Variants in GREB1L observed in about 807,000 individuals in gnomAD.
The protein encoded by GREB1L is GREB1-like protein.
A neutral mutation model predicts 200.8 loss-of-function variants in GREB1L; 17 were observed. The ratio of observed to expected loss-of-function variants is 0.08; its 90% CI spans 0.06 to 0.13. The LOEUF is 0.13. Among genes scored for constraint, GREB1L ranks in the 10% least tolerant of loss-of-function variants. The pLI is 1.00. For synonymous variants in GREB1L, 789 were observed against 893.0 expected, an observed-to-expected ratio of 0.88 and a Z score of 2.08; for missense variants, 1,657 against 2,367.7, an observed-to-expected ratio of 0.70 and a Z score of 6.23.
chr18:21,374,766 T>G (rs191632648), intron 2 of GREB1L, among the ~76,000 whole-genome samples: 38 of 152,204 alleles, frequency 2.5e-4, no homozygotes, highest in East Asian at 1.9e-3. Context: ...TAGTTGGTAT[T>G]AAAAGAAACT....
intron 2 of GREB1L, among the ~76,000 whole-genome samples, chr18:21,382,061 T>C (rs2040337996): frequency 6.6e-6 from 1 of 152,172 alleles, no homozygotes. Flanking sequence ...TCAGATAGTT[T>C]TGGCTGAGTG....
intron 7 of GREB1L, among the ~76,000 whole-genome samples, chr18:21,408,934 A>T (rs1352669406): frequency 6.6e-6 from 1 of 152,302 alleles, no homozygotes; most frequent in East Asian, 1.9e-4. Flanking sequence ...CATTGGTAAA[A>T]TGTGGCAGCC....
At chr18:21,426,515 G>GT (rs2032589534) in intron 7 of GREB1L, among the ~76,000 whole-genome samples, 1 of 152,138 alleles carries the variant, frequency 6.6e-6, no homozygotes, top group Non-Finnish European at 1.5e-5. Flanking sequence ...CCCATAAAAT[G>GT]TAAGAGTTTA....
intron 1 of GREB1L, among the ~76,000 whole-genome samples, chr18:21,307,666 C>CG (rs1567930601): frequency 6.6e-6 from 1 of 152,054 alleles, no homozygotes; most frequent in East Asian, 1.9e-4. Flanking sequence ...TCTCCCTACC[C>CG]GGGAGGCTGT....
rs986278726 is a variant in GREB1L at position 21,523,693 on chromosome 18, TAA to T, written c.*874_*875del. 9 of 152,252 alleles carry T rather than the reference TAA, an allele frequency of 5.9e-5. No homozygotes were observed. Among genetic ancestry groups the T allele is most frequent in the African/African-American group, 2.2e-4 (9 of 41,468 alleles). The allele number at this position is 152,252 out of a possible 1,614,324, so 9.4% of individuals were successfully genotyped here. On this transcript the variant is annotated 3_prime_UTR_variant, in exon 33 of 33. Transcript: ENST00000424526. Reference sequence around the variant, plus strand: ...ATTAAGCAGTTGGCACCAGCAAACCTAAATGTCAGGCTGAGGTTCTGTTGCAG... The same window carrying T: ...ATTAAGCAGTTGGCACCAGCAAACCTATGTCAGGCTGAGGTTCTGTTGCAG...
intron 17 of GREB1L, among the ~76,000 whole-genome samples, chr18:21,484,779 C>T (rs1483774896): frequency 6.6e-6 from 1 of 152,082 alleles, no homozygotes; most frequent in Non-Finnish European, 1.5e-5. Flanking sequence ...GCCAAGATCG[C>T]ACCATTGCAC....
chr18:21,402,916 TTATA>T (rs1378821670), intron 6 of GREB1L, among the ~76,000 whole-genome samples: 1 of 151,064 alleles, frequency 6.6e-6, no homozygotes, highest in Non-Finnish European at 1.5e-5. Context: ...TTTATATAAT[TTATA>T]TATATACACA....
chr18:21,282,233 C>G (rs2038282083), intron 1 of GREB1L, among the ~76,000 whole-genome samples: 1 of 152,096 alleles, frequency 6.6e-6, no homozygotes, highest in South Asian at 2.1e-4. Context: ...GTGATGGAGC[C>G]ACTGCATTCC....
At chr18:21,248,744 T>C (rs2037648469) in intron 1 of GREB1L, among the ~76,000 whole-genome samples, 1 of 152,240 alleles carries the variant, frequency 6.6e-6, no homozygotes, top group African/African-American at 2.4e-5. Flanking sequence ...TAGCCACATG[T>C]GGCTATTTAA....
At chr18:21,394,173 C>T (rs1318574499) in intron 4 of GREB1L, among the ~76,000 whole-genome samples, 1 of 152,152 alleles carries the variant, frequency 6.6e-6, no homozygotes, top group East Asian at 1.9e-4. Flanking sequence ...CTTTGATGGG[C>T]CTTGTTTATG....
At chr18:21,291,588 G>C (rs745701883) in intron 1 of GREB1L, among the ~76,000 whole-genome samples, 16 of 152,182 alleles carry the variant, frequency 1.1e-4, no homozygotes, top group Non-Finnish European at 1.2e-4. Context: ...GAGGGAGGAA[G>C]TGAAGAGCCC....
At chr18:21,346,357 C>T (rs4800622) in intron 1 of GREB1L, among the ~76,000 whole-genome samples, 30,039 of 151,808 alleles carry the variant, frequency 0.2, 7,114 homozygotes, top group African/African-American at 0.57. Flanking sequence ...AGACTGCCAC[C>T]GGGGAAATCC....
intron 30 of GREB1L, among the ~76,000 whole-genome samples, chr18:21,517,655 C>T (rs1223273302): frequency 6.6e-6 from 1 of 152,134 alleles, no homozygotes; most frequent in Non-Finnish European, 1.5e-5. Context: ...AGCATGGGGG[C>T]TACCAGTGGA....
intron 20 of GREB1L, 112 bp from the exon 21 acceptor site, chr18:21,496,342 A>T: frequency 8.3e-7 from 1 of 1,199,098 alleles, no homozygotes; most frequent in Non-Finnish European, 1.2e-6. Flanking sequence ...CTCACCTGGC[A>T]CTGAAACCTA....
intron 7 of GREB1L, among the ~76,000 whole-genome samples, chr18:21,422,295 A>G (rs1323189527): frequency 6.6e-6 from 1 of 152,226 alleles, no homozygotes; most frequent in Non-Finnish European, 1.5e-5. Flanking sequence ...ACTCCCAAAT[A>G]ATCAAAACTG....
At chr18:21,381,952 G>A (rs183582514) in intron 2 of GREB1L, among the ~76,000 whole-genome samples, 45 of 152,344 alleles carry the variant, frequency 3.0e-4, no homozygotes, top group African/African-American at 9.9e-4. Flanking sequence ...AGAATGACAG[G>A]AAGAGCTCTG....
In GREB1L at chr18:21,308,517, G is replaced by A. The variant is rs562983276; in HGVS notation, c.-119-57510G>A. Among the ~76,000 whole-genome samples the A allele has an allele frequency of 5.3e-5, 8 of 152,272 alleles. No homozygotes were observed. The East Asian group carries it at 9.6e-4, about 18-fold the overall frequency. ...CGCCACTATCACCGTCGTCATCATCGTCATTGGTCCATAGGGAGCTGATTG... is the reference window on the plus strand; with the variant it reads ...CGCCACTATCACCGTCGTCATCATCATCATTGGTCCATAGGGAGCTGATTG... On this transcript the variant is annotated intron_variant, in intron 1 of 32. Coordinates refer to ENST00000424526, the MANE Select transcript of GREB1L (RefSeq NM_001142966.3).
chr18:21,477,015 T>C (rs2035728488), intron 16 of GREB1L, 149 bp from the exon 17 acceptor site: 1 of 544,908 alleles, frequency 1.8e-6, no homozygotes, highest in Non-Finnish European at 3.1e-6. Flanking sequence ...TTTTTTTCCT[T>C]TCCGTGTCAA....
chr18:21,449,449 G>A (rs2034408164), intron 11 of GREB1L, 61 bp from the exon 12 acceptor site: 2 of 967,770 alleles, frequency 2.1e-6, no homozygotes, highest in South Asian at 3.4e-5. Context: ...AAGCATATGG[G>A]TGTGTGTGTC....
Sources: allele counts gnomAD v4.1 joint callset (sites outside exome capture counted in the v4.1 genomes callset), GRCh38; gene constraint gnomAD v4.1.1; transcripts MANE v1.5; gene names NCBI Gene and HGNC (gene_info 2026-07-23, HGNC 2026-07-21).